The following ZNF585A variants were observed in gnomAD, a reference collection of about 807,000 sequenced individuals.
ZNF585A encodes the protein zinc finger protein 585A.
A neutral mutation model predicts 14.9 loss-of-function variants in ZNF585A; 9 were observed. The ratio of observed to expected loss-of-function variants is 0.60; its 90% confidence interval spans 0.36 to 1.05. ZNF585A has a LOEUF of 1.05. ZNF585A is among the 50% of genes least tolerant of loss of function. The pLI is 0.01. For synonymous variants in ZNF585A, 276 were observed against 319.9 expected (o/e 0.86, Z 1.46); for missense variants, 726 against 926.4 (o/e 0.78, Z 2.81).
rs1971763038 is a variant in ZNF585A at position 37,147,789 on chromosome 19, T to C, written c.*3800A>G. Reference sequence around the variant, plus strand: ...CTTTTATCAAATGTAATTCAAGTTATCACATGGTTTACCTAAAATACAACA... The same window carrying C: ...CTTTTATCAAATGTAATTCAAGTTACCACATGGTTTACCTAAAATACAACA... On this transcript the variant is annotated 3_prime_UTR_variant, in exon 5 of 5. Coordinates refer to ENST00000292841, the MANE Select transcript of ZNF585A (RefSeq NM_001288800.2). The C allele has an allele frequency of 6.6e-6, 1 of 152,218 alleles. No homozygotes were observed. Among genetic ancestry groups the C allele is most frequent in the Non-Finnish European group, 1.5e-5 (1 of 68,044 alleles). 9.4% of individuals were successfully genotyped at this position (152,218 alleles called of 1,614,324 possible).
At chr19:37,159,138 A>C (rs927418349) in intron 2 of ZNF585A, among the ~76,000 whole-genome samples, 14 of 150,988 alleles carry the variant, frequency 9.3e-5, no homozygotes, top group African/African-American at 3.4e-4. Context: ...AATCCCAGCT[A>C]CCCAGGAGGC....
rs1175397240 is a variant in ZNF585A at position 37,161,720 on chromosome 19, T to C, written c.73-5365A>G. 5.9e-5 allele frequency among the ~76,000 whole-genome samples: 9 copies of C among 152,322 alleles called. No individual in the cohort carries two copies. The East Asian group carries it at 1.5e-3, about 26-fold the overall frequency. On this transcript the variant is annotated intron_variant, in intron 2 of 4. Coordinates refer to ENST00000292841, the MANE Select transcript of ZNF585A (RefSeq NM_001288800.2). The stretch of plus-strand genomic sequence containing the variant: ...GATAAAAACCTTTACGATGATCCAC[T>C]TTCACTTAATGAATATTGAATACAA...
chr19:37,153,753 T>A lies in ZNF585A; in HGVS notation c.293-147A>T, dbSNP rs147672330. 98 of 694,560 alleles carry A rather than the reference T, an allele frequency of 1.4e-4. No individual in the cohort carries two copies. The African/African-American group carries it at 1.7e-3, about 12-fold the overall frequency. The allele number at this position is 694,560 out of a possible 1,614,324, so 43.0% of individuals were successfully genotyped here. ...TTCCAAATGAGGCATATTGATGGGG[T>A]CTTTTGGGAGGAGAAATGATGTTTG... On this transcript the variant is annotated intron_variant, in intron 4 of 4. Coordinates refer to ENST00000292841, the MANE Select transcript of ZNF585A (RefSeq NM_001288800.2).
intron 2 of ZNF585A, among the ~76,000 whole-genome samples, chr19:37,161,465 A>G (rs1422588504): frequency 6.6e-6 from 1 of 152,228 alleles, no homozygotes; most frequent in Non-Finnish European, 1.5e-5. Context: ...TCATTGCACA[A>G]TTGATGAGAG....
chr19:37,170,093 T>G (rs1293028518), intron 1 of ZNF585A, 39 bp from the exon 2 acceptor site: 6 of 635,992 alleles, frequency 9.4e-6, no homozygotes, highest in African/African-American at 5.5e-5. Context: ...CATTTCACAT[T>G]CAACACATAA....
rs551723594 is a variant in ZNF585A, at chr19:37,151,531, C to A, written c.*58G>T. 9 of 1,444,510 alleles carry A rather than the reference C, an allele frequency of 6.2e-6. No individual in the cohort carries two copies. Among genetic ancestry groups the A allele is most frequent in the Non-Finnish European group, 8.4e-6 (9 of 1,065,244 alleles). 89.5% of individuals were successfully genotyped at this position (1,444,510 alleles called of 1,614,324 possible). ...AATATACATATTTTTCTGCTGCATG[C>A]GTGCAACAGTGTACAATCAGACCCA... On this transcript the variant is annotated 3_prime_UTR_variant, in exon 5 of 5. Transcript: ENST00000292841.
intron 2 of ZNF585A, among the ~76,000 whole-genome samples, chr19:37,157,832 A>T (rs1024522776): frequency 2.6e-4 from 39 of 147,566 alleles, no homozygotes; most frequent in African/African-American, 9.9e-4. Context: ...TTATATGTAA[A>T]TTTTTTTTAA....
Position 37,151,633 on chromosome 19 carries a change from C to T in ZNF585A, c.2266G>A (p.Val756Ile), listed in dbSNP as rs575280472. Residue 756 changes from valine to isoleucine, a missense_variant, in exon 5 of 5, where the codon GTT (valine) becomes ATT (isoleucine). Physicochemically the swap from Val to Ile is conservative, Grantham distance 29. Transcript: ENST00000292841. ...YKCGICGKGF[V>I]QKSVFSVHQS... ...TGGACGCTGAACACTGATTTCTGAA[C>T]GAAGCCTTTCCCACAGATGCCACAC... is the stretch of plus-strand genomic sequence containing the variant. 157 of 1,613,956 alleles carry T rather than the reference C, an allele frequency of 9.7e-5. No homozygotes were observed. The highest frequency in any genetic ancestry group is 7.8e-4 in the East Asian group (35 of 44,890).
chr19:37,166,745 T>C, intron 2 of ZNF585A, among the ~76,000 whole-genome samples: 1 of 151,998 alleles, frequency 6.6e-6, no homozygotes, highest in South Asian at 2.1e-4. Flanking sequence ...CTTAGGTCTT[T>C]TTTTTTTTTA....
At chr19:37,157,166 T>C (rs1971944852) in intron 2 of ZNF585A, among the ~76,000 whole-genome samples, 1 of 152,242 alleles carries the variant, frequency 6.6e-6, no homozygotes, top group South Asian at 2.1e-4. Context: ...TATATATGCA[T>C]ATTAAATATT....
intron 2 of ZNF585A, among the ~76,000 whole-genome samples, chr19:37,164,630 T>A (rs1972060045): frequency 6.6e-6 from 1 of 152,106 alleles, no homozygotes; most frequent in Non-Finnish European, 1.5e-5. Flanking sequence ...CCCGTAATAA[T>A]CTCTCGAAAA....
intron 1 of ZNF585A, among the ~76,000 whole-genome samples, chr19:37,170,346 G>A (rs1351465948): frequency 1.3e-5 from 2 of 152,180 alleles, no homozygotes; most frequent in East Asian, 1.9e-4. Context: ...GAGAACCAGC[G>A]CTGAGGAGAA....
In ZNF585A at chr19:37,166,899, T is replaced by C. The variant is rs112635444; in HGVS notation, c.72+2940A>G. Among the ~76,000 whole-genome samples the C allele has an allele frequency of 8.5e-3, 1,289 of 152,246 alleles. 9 individuals are homozygous for C. Among genetic ancestry groups the C allele is most frequent in the Non-Finnish European group, 0.014 (959 of 68,008 alleles). On this transcript the variant is annotated intron_variant, in intron 2 of 4. Transcript: ENST00000292841. ...CGCAGACTGGAGTACAGTGGCATGA[T>C]CTTAGCTCACTGCAACCTCTACTTC...
At chr19:37,172,596 A>C (rs1274467354) in intron 1 of ZNF585A, 31 bp downstream of exon 1, 2 of 152,386 alleles carry the variant, frequency 1.3e-5, no homozygotes, top group Non-Finnish European at 2.9e-5. Context: ...CTGGCTCCAC[A>C]GAAACCCCAA....
rs762238656 is a variant in ZNF585A at position 37,156,308 on chromosome 19, T to C, written c.120A>G (p.Glu40=). ...RDVAIDFSRE[E]WRHLDPSQRN... is the part of the protein sequence containing the mutation. Reference sequence around the variant, plus strand: ...TCTGAGAAGGGTCCAGGTGCCGCCATTCCTCTCTGCTGAAATCGATAGCCA... The same window carrying C: ...TCTGAGAAGGGTCCAGGTGCCGCCACTCCTCTCTGCTGAAATCGATAGCCA... The change falls in exon 3 of 5, where the codon GAA becomes GAG. Residue 40 remains glutamate (E), a synonymous_variant. Transcript: ENST00000292841. 3 of 1,614,144 alleles carry C rather than the reference T, an allele frequency of 1.9e-6. No homozygotes were observed. The highest frequency in any genetic ancestry group is 2.5e-6 in the Non-Finnish European group (3 of 1,180,026).
At chr19:37,165,367 A>G (rs1194601374) in intron 2 of ZNF585A, 1 of 152,350 alleles carries the variant, frequency 6.6e-6, no homozygotes, top group Non-Finnish European at 1.5e-5. Context: ...TCAAAAAAAA[A>G]AAAAAAGAAA....
chr19:37,160,504 T>G (rs1402794913), intron 2 of ZNF585A, among the ~76,000 whole-genome samples: 1 of 151,454 alleles, frequency 6.6e-6, no homozygotes, highest in Non-Finnish European at 1.5e-5. Context: ...TGTAACACAA[T>G]CCAGTTATTA....
chr19:37,155,161 C>T (rs28624294), intron 4 of ZNF585A, among the ~76,000 whole-genome samples: 13 of 151,852 alleles, frequency 8.6e-5, no homozygotes, highest in African/African-American at 1.2e-4. Context: ...CCACGGCGCC[C>T]GGCTAATTTT....
rs370077927 is a variant in ZNF585A, at chr19:37,164,731, T to C, written c.72+5108A>G. Among the ~76,000 whole-genome samples, 92 of 152,318 alleles carry C rather than the reference T, an allele frequency of 6.0e-4. 2 individuals carry two copies. The South Asian group carries it at 0.014, about 23-fold the overall frequency. Reference sequence around the variant, plus strand: ...GTGTCACTGTCACCTAGGCTGGATGTAGTGGCAATGTCGTGGCTCACTGCA... The same window carrying C: ...GTGTCACTGTCACCTAGGCTGGATGCAGTGGCAATGTCGTGGCTCACTGCA... On this transcript the variant is annotated intron_variant, in intron 2 of 4. Coordinates refer to ENST00000292841, the MANE Select transcript of ZNF585A (RefSeq NM_001288800.2).
Sources: gnomAD v4.1 joint callset for allele counts (sites outside exome capture counted in the v4.1 genomes callset) on GRCh38, gnomAD v4.1.1 for gene constraint, MANE v1.5 for transcripts, NCBI Gene and HGNC (gene_info 2026-07-23, HGNC 2026-07-21) for gene names.